TPH2: variants seen among roughly 807,000 people sequenced by gnomAD.
The protein encoded by TPH2 is tryptophan hydroxylase 2, also known as tryptophan 5-hydroxylase 2.
In TPH2, 27 loss-of-function variants were observed where a neutral mutation model predicts 59.1. The observed-to-expected ratio is 0.46, with a 90% CI of 0.34 to 0.63. TPH2 has a LOEUF of 0.63. TPH2 is among the 30% of genes least tolerant of loss of function. TPH2 has a pLI of 0.01. For synonymous variants in TPH2, 220 were observed against 210.5 expected (o/e 1.05, Z -0.39); for missense variants, 523 against 588.3 (o/e 0.89, Z 1.15).
At chr12:71,978,827 T>C (rs112697082) in intron 6 of TPH2, 125 bp from the exon 7 acceptor site, 20 of 1,221,642 alleles carry the variant, frequency 1.6e-5, no homozygotes, top group Non-Finnish European at 2.4e-5. Flanking sequence ...CACTCAGTTG[T>C]CAAGAGGTTT....
At position 72,031,680 on chromosome 12, in the gene TPH2, A is replaced by G. The variant is rs761115923; in HGVS notation, c.1458A>G (p.Gln486=). 1.9e-6 allele frequency: 3 copies of G among 1,613,398 alleles called. No homozygotes were observed. The highest frequency in any genetic ancestry group is 2.2e-5 in the East Asian group (1 of 44,876). Residue 486 remains glutamine (Q), a synonymous_variant, in exon 11 of 11, where the codon CAA becomes CAG. Coordinates refer to ENST00000333850, the MANE Select transcript of TPH2 (RefSeq NM_173353.4). ...GTGATGCTTTAAACAAAATGAACCA[A>G]TATCTGGGGATTTGATGCCTGGAAC... ...TVCDALNKMN[Q]YLGI
At chr12:71,975,465 G>A (rs1872090729) in intron 6 of TPH2, among the ~76,000 whole-genome samples, 1 of 152,198 alleles carries the variant, frequency 6.6e-6, no homozygotes, top group South Asian at 2.1e-4. Flanking sequence ...ACACGCTCAA[G>A]TCTGAACAGC....
chr12:71,968,186 T>C (rs1871870331), intron 5 of TPH2, among the ~76,000 whole-genome samples: 1 of 152,202 alleles, frequency 6.6e-6, no homozygotes, highest in South Asian at 2.1e-4. Flanking sequence ...GGCATAGTTT[T>C]CCTGGGGGAG....
At chr12:71,969,572 G>T (rs540838464) in intron 5 of TPH2, among the ~76,000 whole-genome samples, 2 of 152,228 alleles carry the variant, frequency 1.3e-5, no homozygotes, top group Admixed American at 1.3e-4. Context: ...TTACTGGGAA[G>T]GTTAAATGAG....
At chr12:72,008,821 T>G (rs1367642549) in intron 8 of TPH2, among the ~76,000 whole-genome samples, 1 of 152,070 alleles carries the variant, frequency 6.6e-6, no homozygotes, top group Non-Finnish European at 1.5e-5. Context: ...CAGAAGCCCT[T>G]GTTCATTGTC....
intron 4 of TPH2, among the ~76,000 whole-genome samples, chr12:71,946,355 C>T (rs78810346): frequency 0.033 from 4,949 of 152,204 alleles, 258 homozygotes; most frequent in African/African-American, 0.11. Context: ...AATTACTCAA[C>T]CTGGAGAAAG....
At chr12:71,958,664 C>T (rs146359855) in intron 5 of TPH2, among the ~76,000 whole-genome samples, 3 of 152,298 alleles carry the variant, frequency 2.0e-5, no homozygotes, top group East Asian at 1.9e-4. Flanking sequence ...ATGCTATTCT[C>T]CTCCTACCCA....
chr12:71,990,082 G>A (rs1872546618), intron 7 of TPH2, among the ~76,000 whole-genome samples: 3 of 152,062 alleles, frequency 2.0e-5, no homozygotes, highest in Non-Finnish European at 4.4e-5. Context: ...AGGCAAAAAT[G>A]TATCAAAGGG....
rs1484911579 is a variant in TPH2 at position 71,944,635 on chromosome 12, A to G, written c.489A>G (p.Lys163=). Residue 163 remains lysine (K), a synonymous_variant, in exon 4 of 11, where the codon AAA becomes AAG. Coordinates refer to ENST00000333850, the MANE Select transcript of TPH2 (RefSeq NM_173353.4). Reference sequence around the variant, plus strand: ...CTCGGAAGATCTCTGAGTTAGACAAATGCTCTCACAGAGTTCTCATGTATG... The same window carrying G: ...CTCGGAAGATCTCTGAGTTAGACAAGTGCTCTCACAGAGTTCTCATGTATG... The part of the protein sequence containing the change: ...WFPRKISELD[K]CSHRVLMYGS... The G allele has an allele frequency of 6.2e-7, 1 of 1,613,948 alleles. No individual in the cohort carries two copies. The highest frequency in any genetic ancestry group is 2.2e-5 in the East Asian group (1 of 44,884).
At chr12:71,999,366 T>C (rs1052287869) in intron 8 of TPH2, among the ~76,000 whole-genome samples, 11 of 152,344 alleles carry the variant, frequency 7.2e-5, no homozygotes, top group African/African-American at 2.4e-4. Context: ...AAATGCATTG[T>C]TATACATGTA....
intron 7 of TPH2, among the ~76,000 whole-genome samples, chr12:71,990,422 C>A (rs919758343): frequency 5.3e-5 from 8 of 152,324 alleles, no homozygotes; most frequent in African/African-American, 1.4e-4. Context: ...TTGCAGTTTG[C>A]ATTCTCCCTC....
intron 8 of TPH2, among the ~76,000 whole-genome samples, chr12:72,000,755 A>AAACAGACC (rs1301805845): frequency 1.3e-5 from 2 of 152,206 alleles, no homozygotes; most frequent in African/African-American, 4.8e-5. Flanking sequence ...CAAGCCCTGA[A>AAACAGACC]AACAGACCTT....
intron 7 of TPH2, among the ~76,000 whole-genome samples, chr12:71,981,770 T>C (rs1173329360): frequency 6.6e-6 from 1 of 152,008 alleles, no homozygotes; most frequent in Non-Finnish European, 1.5e-5. Context: ...TGGGGTATTT[T>C]GTCTGTGAGG....
At chr12:71,993,340 A>G (rs1447809942) in intron 7 of TPH2, among the ~76,000 whole-genome samples, 2 of 152,228 alleles carry the variant, frequency 1.3e-5, no homozygotes, top group Non-Finnish European at 2.9e-5. Flanking sequence ...AGAGGAGTAC[A>G]AGTGAAATCA....
chr12:72,031,825 C>A lies in TPH2; in HGVS notation c.*130C>A. 1.9e-6 allele frequency: 2 copies of A among 1,048,374 alleles called. No individual in the cohort carries two copies. Among genetic ancestry groups the A allele is most frequent in the South Asian group, 1.3e-5 (1 of 77,594 alleles). 64.9% of individuals were successfully genotyped at this position (1,048,374 alleles called of 1,614,324 possible). A position where few individuals can be genotyped will look rare whatever the true frequency, so the allele number is the denominator to read the frequency against. ...AAGCATGCAATTCCATATATCTATA[C>A]CATCTTGTAACTCACTGTGTTAGTA... On this transcript the variant is annotated 3_prime_UTR_variant, in exon 11 of 11. Coordinates refer to ENST00000333850, the MANE Select transcript of TPH2 (RefSeq NM_173353.4).
rs17110747 is a variant in TPH2 at position 72,032,174 on chromosome 12, G to A, written c.*479G>A. 22,303 of 174,672 alleles carry A rather than the reference G, an allele frequency of 0.13. 1,825 individuals carry two copies. Among genetic ancestry groups the A allele is most frequent in the East Asian group, 0.25 (1,685 of 6,744 alleles). 10.8% of individuals were successfully genotyped at this position (174,672 alleles called of 1,614,324 possible). ...GGAAACTTCCCATCACAATAACAAA[G>A]GTTCAATATTCTATTTCAAAAATTG... On this transcript the variant is annotated 3_prime_UTR_variant, in exon 11 of 11. Coordinates refer to ENST00000333850, the MANE Select transcript of TPH2 (RefSeq NM_173353.4).
intron 7 of TPH2, among the ~76,000 whole-genome samples, chr12:71,979,409 A>G (rs1287040174): frequency 6.6e-6 from 1 of 152,186 alleles, no homozygotes; most frequent in Non-Finnish European, 1.5e-5. Context: ...TGGTCAGAAC[A>G]TGTGAGGCTC....
intron 7 of TPH2, among the ~76,000 whole-genome samples, chr12:71,987,783 C>T (rs1209056497): frequency 1.3e-5 from 2 of 152,170 alleles, no homozygotes; most frequent in South Asian, 2.1e-4. Context: ...ACCCGGGAGG[C>T]GGAGCTTGCA....
intron 8 of TPH2, among the ~76,000 whole-genome samples, chr12:72,001,540 C>T (rs1023641615): frequency 1.3e-5 from 2 of 151,892 alleles, no homozygotes; most frequent in Non-Finnish European, 2.9e-5. Context: ...ATTCTCCTGC[C>T]TCAGCCCCCC....
Sources: gnomAD v4.1 joint callset for allele counts (sites outside exome capture counted in the v4.1 genomes callset) on GRCh38, gnomAD v4.1.1 for gene constraint, MANE v1.5 for transcripts, NCBI Gene and HGNC (gene_info 2026-07-23, HGNC 2026-07-21) for gene names.